The following PAPPA2 variants were observed in gnomAD, a reference collection of about 807,000 sequenced individuals.
PAPPA2 encodes the protein pappalysin-2.
Under a neutral mutation model 176.4 loss-of-function variants are expected in PAPPA2, and 86 were observed. The observed-to-expected ratio is 0.49, with a 90% CI of 0.41 to 0.58. The LOEUF (loss-of-function observed/expected upper bound fraction) is 0.58. PAPPA2 is among the 20% of genes least tolerant of loss of function. PAPPA2 has a pLI of 0.00. For synonymous variants in PAPPA2, 809 were observed against 852.2 expected, an observed-to-expected ratio of 0.95 and a Z score of 0.88; for missense variants, 2,073 against 2,256.9, an observed-to-expected ratio of 0.92 and a Z score of 1.65.
At chr1:176,476,835 G>T (rs148552275) in intron 1 of PAPPA2, among the ~76,000 whole-genome samples, 1 of 152,318 alleles carries the variant, frequency 6.6e-6, no homozygotes, top group African/African-American at 2.4e-5. Flanking sequence ...TTTTAGAAAA[G>T]ATTCTAATGT....
intron 17 of PAPPA2, among the ~76,000 whole-genome samples, chr1:176,771,527 T>C (rs1409844501): frequency 2.0e-5 from 3 of 152,220 alleles, no homozygotes; most frequent in African/African-American, 4.8e-5. Context: ...CAGACACTTA[T>C]GAGCTGTGGA....
At chr1:176,466,109 G>A (rs1651607463) in intron 1 of PAPPA2, among the ~76,000 whole-genome samples, 1 of 151,828 alleles carries the variant, frequency 6.6e-6, no homozygotes, top group African/African-American at 2.4e-5. Flanking sequence ...TCTGCTGAAG[G>A]GTATTACCTT....
At chr1:176,693,849 A>G (rs1660233433) in intron 6 of PAPPA2, among the ~76,000 whole-genome samples, 1 of 152,204 alleles carries the variant, frequency 6.6e-6, no homozygotes, top group Non-Finnish European at 1.5e-5. Context: ...CTGAACAGCA[A>G]GTCCTCTGTG....
intron 3 of PAPPA2, among the ~76,000 whole-genome samples, chr1:176,615,754 G>A (rs1026179585): frequency 6.6e-6 from 1 of 152,190 alleles, no homozygotes; most frequent in African/African-American, 2.4e-5. Flanking sequence ...TGTGGGAGAC[G>A]TAAACATAAA....
intron 14 of PAPPA2, among the ~76,000 whole-genome samples, chr1:176,760,479 C>T (rs917255181): frequency 3.9e-5 from 6 of 152,182 alleles, no homozygotes; most frequent in African/African-American, 1.4e-4. Flanking sequence ...TTATAAACAT[C>T]AAATGCTGGA....
chr1:176,792,897 G>C (rs1271288808), intron 19 of PAPPA2, among the ~76,000 whole-genome samples: 1 of 152,092 alleles, frequency 6.6e-6, no homozygotes, highest in Non-Finnish European at 1.5e-5. Flanking sequence ...GAAGGGAATA[G>C]AGCAAGATTT....
At chr1:176,478,576 T>A (rs1652245330) in intron 1 of PAPPA2, among the ~76,000 whole-genome samples, 1 of 152,230 alleles carries the variant, frequency 6.6e-6, no homozygotes, top group African/African-American at 2.4e-5. Context: ...TCACATCAGA[T>A]CCCAGATGTA....
intron 17 of PAPPA2, among the ~76,000 whole-genome samples, chr1:176,773,588 A>G (rs1005203374): frequency 6.6e-6 from 1 of 152,204 alleles, no homozygotes; most frequent in African/African-American, 2.4e-5. Flanking sequence ...CTCAACATCC[A>G]TGTATCTCAG....
At chr1:176,762,969 G>A (rs1663765084) in intron 14 of PAPPA2, among the ~76,000 whole-genome samples, 1 of 152,146 alleles carries the variant, frequency 6.6e-6, no homozygotes, top group East Asian at 1.9e-4. Flanking sequence ...TAAAAGAAAT[G>A]AGAGTATCAC....
intron 1 of PAPPA2, among the ~76,000 whole-genome samples, chr1:176,488,886 G>A (rs560100230): frequency 1.3e-5 from 2 of 152,222 alleles, no homozygotes; most frequent in South Asian, 2.1e-4. Context: ...TGGGAGTCTG[G>A]TTCTAGATTT....
intron 8 of PAPPA2, among the ~76,000 whole-genome samples, chr1:176,701,784 T>C (rs1400553508): frequency 2.6e-5 from 4 of 152,148 alleles, no homozygotes; most frequent in Non-Finnish European, 5.9e-5. Context: ...TTGACTTTGG[T>C]GGTAGTTTTC....
At chr1:176,665,903 C>T (rs1658614705) in intron 3 of PAPPA2, among the ~76,000 whole-genome samples, 1 of 152,110 alleles carries the variant, frequency 6.6e-6, no homozygotes, top group South Asian at 2.1e-4. Context: ...GGTTTCTGTG[C>T]ACAAACCAGG....
chr1:176,594,400 C>T lies in PAPPA2; in HGVS notation c.920-124C>T, dbSNP rs570036222. On this transcript the variant is annotated intron_variant, in intron 2 of 22. Coordinates refer to ENST00000367662, the MANE Select transcript of PAPPA2 (RefSeq NM_020318.3). ...GGCATCTCAGGTGAGAAATCTGTGT[C>T]GCTTACTTTATTCCCCATTAAAAAC... 92 of 789,560 alleles carry T rather than the reference C, an allele frequency of 1.2e-4. No individual in the cohort carries two copies. In the African/African-American group the frequency reaches 1.4e-3, roughly 12 times the overall value. The allele number at this position is 789,560 out of a possible 1,614,324, so 48.9% of individuals were successfully genotyped here.
At chr1:176,715,306 T>G (rs1661319982) in intron 12 of PAPPA2, among the ~76,000 whole-genome samples, 1 of 152,188 alleles carries the variant, frequency 6.6e-6, no homozygotes, top group African/African-American at 2.4e-5. Context: ...AAAAATCTGT[T>G]TATAGGCCTT....
chr1:176,636,966 G>T (rs751353810), intron 3 of PAPPA2, among the ~76,000 whole-genome samples: 1 of 152,058 alleles, frequency 6.6e-6, no homozygotes, highest in Non-Finnish European at 1.5e-5. Context: ...ATAAGATATG[G>T]GATGTCATTG....
intron 19 of PAPPA2, among the ~76,000 whole-genome samples, chr1:176,792,814 G>A (rs1411829549): frequency 6.6e-6 from 1 of 152,128 alleles, no homozygotes. Context: ...CAAATCTATA[G>A]ATGAGGAAAT....
intron 1 of PAPPA2, among the ~76,000 whole-genome samples, chr1:176,508,652 A>G (rs1156468231): frequency 6.6e-6 from 1 of 152,160 alleles, no homozygotes. Context: ...TTCCCACCCA[A>G]GTCTCATATC....
chr1:176,834,816 A>G (rs1667210294), intron 21 of PAPPA2, among the ~76,000 whole-genome samples: 1 of 152,148 alleles, frequency 6.6e-6, no homozygotes, highest in South Asian at 2.1e-4. Flanking sequence ...CTAGAAATAC[A>G]AAAAATTAGC....
At chr1:176,533,579 A>T (rs1008338506) in intron 1 of PAPPA2, among the ~76,000 whole-genome samples, 1 of 152,090 alleles carries the variant, frequency 6.6e-6, no homozygotes, top group Non-Finnish European at 1.5e-5. Context: ...GATGTTTTGT[A>T]CCTCCTCCCT....
Sources: allele counts gnomAD v4.1 joint callset (sites outside exome capture counted in the v4.1 genomes callset), GRCh38; gene constraint gnomAD v4.1.1; transcripts MANE v1.5; gene names NCBI Gene and HGNC (gene_info 2026-07-23, HGNC 2026-07-21).